The following SH2D4A variants were observed in gnomAD, a reference collection of about 807,000 sequenced individuals.
SH2D4A encodes the protein SH2 domain containing 4A.
SH2D4A carries 70 observed loss-of-function variants against 64.7 expected under a neutral mutation model. The ratio of observed to expected loss-of-function variants is 1.08; its 90% CI spans 0.89 to 1.32. The LOEUF is 1.32. Among genes scored for constraint, SH2D4A ranks in the 40% most tolerant of loss-of-function variants. The pLI is 0.00. For synonymous variants in SH2D4A, 268 were observed against 200.7 expected (o/e 1.34, Z -2.83); for missense variants, 706 against 540.1 (o/e 1.31, Z -3.04).
At chr8:19,348,739 C>G (rs17128247) in intron 4 of SH2D4A, among the ~76,000 whole-genome samples, 1 of 152,112 alleles carries the variant, frequency 6.6e-6, no homozygotes, top group Admixed American at 6.5e-5. Flanking sequence ...CTGTCACTTG[C>G]GCTTCAGGTT....
intron 8 of SH2D4A, among the ~76,000 whole-genome samples, chr8:19,392,685 T>TAACA (rs2053512117): frequency 6.6e-6 from 1 of 152,122 alleles, no homozygotes; most frequent in Admixed American, 6.5e-5. Context: ...ATAAACCGTC[T>TAACA]AACACCTGTG....
intron 5 of SH2D4A, among the ~76,000 whole-genome samples, chr8:19,358,014 C>T (rs2052821861): frequency 6.6e-6 from 1 of 152,176 alleles, no homozygotes; most frequent in Non-Finnish European, 1.5e-5. Flanking sequence ...TCTGAAGGGA[C>T]ATGCATGAAC....
chr8:19,354,491 A>C (rs551011635), intron 4 of SH2D4A, among the ~76,000 whole-genome samples: 1 of 152,340 alleles, frequency 6.6e-6, no homozygotes, highest in African/African-American at 2.4e-5. Context: ...CACTGTCTGG[A>C]GTACGTGTCT....
At chr8:19,366,018 C>CTA (rs35704805) in intron 7 of SH2D4A, among the ~76,000 whole-genome samples, 7,716 of 149,916 alleles carry the variant, frequency 0.051, 238 homozygotes, top group Non-Finnish European at 0.069. Context: ...ATATGTACAA[C>CTA]TATATATATA....
At chr8:19,394,451 G>A (rs2153652895) in intron 9 of SH2D4A, 99 bp from the exon 10 acceptor site, 1 of 760,902 alleles carries the variant, frequency 1.3e-6, no homozygotes, top group South Asian at 2.6e-5. Context: ...AAAGCTTTGT[G>A]TAAATCATGG....
At chr8:19,329,313 C>T (rs1224525977) in intron 2 of SH2D4A, among the ~76,000 whole-genome samples, 1 of 152,158 alleles carries the variant, frequency 6.6e-6, no homozygotes, top group Non-Finnish European at 1.5e-5. Context: ...TGTATGCTGC[C>T]CTGGCCCTCC....
At chr8:19,368,332 G>C (rs538634087) in intron 7 of SH2D4A, among the ~76,000 whole-genome samples, 3 of 152,156 alleles carry the variant, frequency 2.0e-5, no homozygotes, top group Non-Finnish European at 2.9e-5. Context: ...AATTGTTCTG[G>C]CAATTCGTAG....
chr8:19,331,064 A>G (rs2052358431), intron 2 of SH2D4A, among the ~76,000 whole-genome samples: 1 of 152,180 alleles, frequency 6.6e-6, no homozygotes, highest in Non-Finnish European at 1.5e-5. Flanking sequence ...TTGGTAGTGC[A>G]GAGTCTGAGT....
chr8:19,347,312 T>C (rs1296144897), intron 4 of SH2D4A, among the ~76,000 whole-genome samples: 1 of 152,168 alleles, frequency 6.6e-6, no homozygotes, highest in Non-Finnish European at 1.5e-5. Context: ...GGGGAGTTAA[T>C]GGGACTCAGA....
chr8:19,358,810 C>G (rs535092182), intron 5 of SH2D4A, among the ~76,000 whole-genome samples: 1 of 152,146 alleles, frequency 6.6e-6, no homozygotes, highest in Non-Finnish European at 1.5e-5. Context: ...ACGGGCCCAG[C>G]GGCTTTCTAT....
chr8:19,319,018 G>A (rs2052138352), intron 1 of SH2D4A, among the ~76,000 whole-genome samples: 1 of 151,594 alleles, frequency 6.6e-6, no homozygotes, highest in Non-Finnish European at 1.5e-5. Flanking sequence ...CACACAGTTG[G>A]TGGTTTGTTA....
At chr8:19,356,333 G>A (rs1014821960) in intron 4 of SH2D4A, among the ~76,000 whole-genome samples, 3 of 152,186 alleles carry the variant, frequency 2.0e-5, no homozygotes, top group Non-Finnish European at 4.4e-5. Flanking sequence ...CTGAATGGTG[G>A]CACCAACCTT....
chr8:19,366,223 CAT>C (rs202103309), intron 7 of SH2D4A, among the ~76,000 whole-genome samples: 84 of 151,584 alleles, frequency 5.5e-4, no homozygotes, highest in African/African-American at 1.4e-3. Context: ...TGTTTTGATA[CAT>C]ATATATATAT....
At chr8:19,313,908 T>C in intron 1 of SH2D4A, 85 bp downstream of exon 1, 2 of 1,324,398 alleles carry the variant, frequency 1.5e-6, no homozygotes, top group South Asian at 3.9e-5. Flanking sequence ...GGAGGTTGCA[T>C]GGGTGCATGG....
chr8:19,367,673 T>G (rs2053022140), intron 7 of SH2D4A, among the ~76,000 whole-genome samples: 2 of 152,234 alleles, frequency 1.3e-5, no homozygotes, highest in African/African-American at 4.8e-5. Context: ...GTAACTTGTC[T>G]CTTTACTCTG....
Position 19,334,834 on chromosome 8 carries a change from A to G in SH2D4A, c.490A>G (p.Thr164Ala). ...GGAGCAAGGATCGAGGCCAGCACCA[A>G]CCCTGGAAGAAGAGAAAATCCGAGT... The part of the protein sequence containing the change: ...ELEQGSRPAP[T>A]LEEEKIRSLS... Residue 164 changes from threonine to alanine, a missense_variant, in exon 4 of 10, where the codon ACC becomes GCC. Transcript: ENST00000265807. 6.2e-7 allele frequency: 1 copy of G among 1,605,396 alleles called. No individual in the cohort carries two copies. The highest frequency in any genetic ancestry group is 1.3e-5 in the African/African-American group (1 of 74,144).
chr8:19,373,250 C>T (rs1371420143), intron 7 of SH2D4A, among the ~76,000 whole-genome samples: 4 of 151,832 alleles, frequency 2.6e-5, no homozygotes, highest in Non-Finnish European at 5.9e-5. Flanking sequence ...GGGCTCCAGC[C>T]TCCTGTTAGC....
chr8:19,327,073 A>T (rs2052292573), intron 2 of SH2D4A, among the ~76,000 whole-genome samples: 1 of 152,170 alleles, frequency 6.6e-6, no homozygotes, highest in South Asian at 2.1e-4. Flanking sequence ...CCTAGGGGGA[A>T]ATGTCTCTCA....
rs535501612 is a variant in SH2D4A at position 19,370,994 on chromosome 8, T to C, written c.918-2536T>C. On this transcript the variant is annotated intron_variant, in intron 7 of 9. Coordinates refer to ENST00000265807, the MANE Select transcript of SH2D4A (RefSeq NM_022071.4). ...TTGTGAAGGAAAGAAACAAAAAAACTGTACACTTTACCTCCATTCTCTCCT... is the reference window on the plus strand; with the variant it reads ...TTGTGAAGGAAAGAAACAAAAAAACCGTACACTTTACCTCCATTCTCTCCT... Among the ~76,000 whole-genome samples the C allele has an allele frequency of 3.9e-5, 6 of 152,298 alleles. No homozygotes were observed. In the East Asian group the frequency reaches 1.2e-3, roughly 29 times the overall value.
Sources: allele counts gnomAD v4.1 joint callset (sites outside exome capture counted in the v4.1 genomes callset), GRCh38; gene constraint gnomAD v4.1.1; transcripts MANE v1.5; gene names NCBI Gene and HGNC (gene_info 2026-07-23, HGNC 2026-07-21).